The following PRDM1 variants were observed in gnomAD, a reference collection of about 807,000 sequenced individuals.
PRDM1 encodes the protein PR/SET domain 1, also known as PR domain zinc finger protein 1.
Under a neutral mutation model 62.8 loss-of-function variants are expected in PRDM1, and 13 were observed. The observed-to-expected ratio is 0.21, with a 90% CI of 0.13 to 0.33. The LOEUF (loss-of-function observed/expected upper bound fraction) is 0.33. Among genes scored for constraint, PRDM1 ranks in the 10% least tolerant of loss-of-function variants. The probability of loss-of-function intolerance (pLI) is 1.00; values close to 1 mark genes in which losing one functional copy is unlikely to be tolerated. For missense variants in PRDM1, 895 were observed against 1,058.8 expected, an observed-to-expected ratio of 0.85 and a Z score of 2.15; for synonymous variants, 396 against 417.6, an observed-to-expected ratio of 0.95 and a Z score of 0.63.
chr6:106,057,785 C>T (rs962795955), intron 1 of PRDM1, among the ~76,000 whole-genome samples: 6 of 152,166 alleles, frequency 3.9e-5, no homozygotes, highest in African/African-American at 1.4e-4. Flanking sequence ...ATATGAAACT[C>T]AGTTTTTATT....
At chr6:106,014,129 G>A (rs1582426137) in intron 1 of PRDM1, among the ~76,000 whole-genome samples, 1 of 134,316 alleles carries the variant, frequency 7.4e-6, no homozygotes, top group East Asian at 2.3e-4. Context: ...GTGCGATCAT[G>A]GCTCACTGCA....
chr6:106,029,114 T>C (rs1042867571), intron 1 of PRDM1, among the ~76,000 whole-genome samples: 6 of 151,794 alleles, frequency 4.0e-5, no homozygotes, highest in Admixed American at 6.6e-5. Flanking sequence ...AGAGACGGGG[T>C]TTCATCATGT....
intron 1 of PRDM1, among the ~76,000 whole-genome samples, chr6:106,068,425 A>C (rs567193231): frequency 6.6e-6 from 1 of 152,206 alleles, no homozygotes; most frequent in African/African-American, 2.4e-5. Flanking sequence ...AACTGTTCTC[A>C]GCTTCTTGTG....
chr6:106,061,011 G>T (rs1047711093), intron 1 of PRDM1, among the ~76,000 whole-genome samples: 1 of 152,170 alleles, frequency 6.6e-6, no homozygotes, highest in Non-Finnish European at 1.5e-5. Context: ...GATTGGGATT[G>T]GGGGAAATGA....
Position 106,099,594 on chromosome 6 carries a change from T to A in PRDM1, c.664+42T>A, listed in dbSNP as rs80016188. On this transcript the variant is annotated intron_variant, in intron 4 of 6. Coordinates refer to ENST00000369096, the MANE Select transcript of PRDM1 (RefSeq NM_001198.4). ...ACAAAAAAATAAAAAATGCCAGTAA[T>A]GTCGGTTCTGCCCCTTTGAACTAAT... The A allele has an allele frequency of 3.0e-4, 479 of 1,607,186 alleles. 3 individuals are homozygous for A. In the East Asian group the frequency reaches 0.011, roughly 35 times the overall value.
Position 106,105,482 on chromosome 6 carries a change from C to T in PRDM1, c.1322C>T (p.Pro441Leu), listed in dbSNP as rs1774445351. 1 of 1,614,112 alleles carries T rather than the reference C, an allele frequency of 6.2e-7. No individual in the cohort carries two copies. The highest frequency in any genetic ancestry group is 8.5e-7 in the Non-Finnish European group (1 of 1,180,024). The part of the protein sequence containing the change: ...MNGINNFGLF[P>L]RLCPVYSNLL... The stretch of plus-strand genomic sequence containing the variant: ...GGCATCAACAACTTTGGCCTCTTCC[C>T]GAGGCTGTGCCCTGTCTACAGCAAT... The change falls in exon 5 of 7, where the codon CCG (proline) becomes CTG (leucine). Residue 441 changes from proline (P) to leucine (L), a missense_variant. Pro to Leu is a moderately conservative substitution (Grantham distance 98). This residue lies in a region of PRDM1 where 444 missense variants were observed against 422.7 expected (regional missense o/e 1.05). Transcript: ENST00000369096.
intron 1 of PRDM1, among the ~76,000 whole-genome samples, chr6:106,056,845 G>A (rs916285829): frequency 6.9e-6 from 1 of 145,112 alleles, no homozygotes; most frequent in African/African-American, 2.6e-5. Flanking sequence ...AGGTTTTGAA[G>A]CTCTAGCACT....
chr6:106,073,161 C>A (rs1409498471), intron 1 of PRDM1, among the ~76,000 whole-genome samples: 2 of 148,452 alleles, frequency 1.3e-5, no homozygotes, highest in East Asian at 3.9e-4. Flanking sequence ...GTCGCCCAGG[C>A]TGGAGTGCAA....
chr6:106,057,811 C>A (rs541349908), intron 1 of PRDM1, among the ~76,000 whole-genome samples: 1 of 152,176 alleles, frequency 6.6e-6, no homozygotes, highest in Non-Finnish European at 1.5e-5. Context: ...ACCTCTCTTA[C>A]TCCCAGAAAA....
chr6:106,076,246 G>A (rs1292076830), intron 1 of PRDM1, among the ~76,000 whole-genome samples: 4 of 152,076 alleles, frequency 2.6e-5, no homozygotes, highest in East Asian at 3.8e-4. Flanking sequence ...CATTACAGGC[G>A]TGAACCACTG....
intron 1 of PRDM1, among the ~76,000 whole-genome samples, chr6:106,069,629 G>A (rs1773481432): frequency 6.6e-6 from 1 of 152,228 alleles, no homozygotes; most frequent in Non-Finnish European, 1.5e-5. Context: ...GAGAAAGAGG[G>A]ACGAGCTTCT....
At chr6:106,069,837 G>T (rs1773483330) in intron 1 of PRDM1, among the ~76,000 whole-genome samples, 1 of 152,320 alleles carries the variant, frequency 6.6e-6, no homozygotes, top group Admixed American at 6.5e-5. Context: ...GGGAAATGAG[G>T]AGTTGGTCTC....
At chr6:106,026,492 A>T (rs994093561) in intron 1 of PRDM1, among the ~76,000 whole-genome samples, 3 of 151,716 alleles carry the variant, frequency 2.0e-5, no homozygotes, top group Admixed American at 1.3e-4. Flanking sequence ...AAATAATAAT[A>T]AATAATAATA....
intron 1 of PRDM1, among the ~76,000 whole-genome samples, chr6:106,022,105 C>T (rs1235347535): frequency 6.6e-6 from 1 of 152,162 alleles, no homozygotes. Context: ...TTAAGAGGTA[C>T]AGGTGTTACA....
chr6:106,007,462 A>G (rs1772497241), intron 1 of PRDM1, among the ~76,000 whole-genome samples: 1 of 148,408 alleles, frequency 6.7e-6, no homozygotes, highest in South Asian at 2.2e-4. Flanking sequence ...AGACAAAGGC[A>G]ACTGTCATTT....
Position 106,099,665 on chromosome 6 carries a change from AG to A in PRDM1, c.664+115del, listed in dbSNP as rs539186135. On this transcript the variant is annotated intron_variant, in intron 4 of 6. Coordinates refer to ENST00000369096, the MANE Select transcript of PRDM1 (RefSeq NM_001198.4). ...GGCTTTGTCATGTGTTGGATGAAGT[AG>A]GTGGCTTAAGCTAGGGACTAGGAAG... 2.9e-5 allele frequency: 42 copies of A among 1,432,110 alleles called. No homozygotes were observed. The Admixed American group carries it at 8.3e-4, about 28-fold the overall frequency. The allele number at this position is 1,432,110 out of a possible 1,614,324, so 88.7% of individuals were successfully genotyped here. A position where few individuals can be genotyped will look rare whatever the true frequency, so the allele number is the denominator to read the frequency against.
In PRDM1 at chr6:106,109,091, C is replaced by CAA. The variant is rs36077280; in HGVS notation, c.*1626_*1627dup. 5,005 of 121,104 alleles carry CAA rather than the reference C, an allele frequency of 0.041. 282 individuals are homozygous for CAA. Among genetic ancestry groups the CAA allele is most frequent in the Admixed American group, 0.07 (683 of 9,764 alleles). The allele number at this position is 121,104 out of a possible 1,614,324, so 7.5% of individuals were successfully genotyped here. A position where few individuals can be genotyped will look rare whatever the true frequency, so the allele number is the denominator to read the frequency against. ...GTAAAAGATCTACTTTTTCTAAGGG[C>CAA]AAAAAAAAAAAAAAAAAAAAAAGAA... On this transcript the variant is annotated 3_prime_UTR_variant, in exon 7 of 7. Coordinates refer to ENST00000369096, the MANE Select transcript of PRDM1 (RefSeq NM_001198.4).
chr6:106,035,558 C>T (rs955088659), intron 1 of PRDM1, among the ~76,000 whole-genome samples: 36 of 152,120 alleles, frequency 2.4e-4, no homozygotes, highest in African/African-American at 8.0e-4. Flanking sequence ...GAGCCTGGGA[C>T]GTCGAGGCTG....
chr6:106,009,045 A>G (rs1363397718), intron 1 of PRDM1, among the ~76,000 whole-genome samples: 1 of 152,122 alleles, frequency 6.6e-6, no homozygotes, highest in African/African-American at 2.4e-5. Context: ...CAGTGGTTAT[A>G]TTCTGCCACG....
Sources: allele counts gnomAD v4.1 joint callset (sites outside exome capture counted in the v4.1 genomes callset), GRCh38; gene constraint gnomAD v4.1.1; regional missense constraint gnomAD v4.1.1; transcripts MANE v1.5; gene names NCBI Gene and HGNC (gene_info 2026-07-23, HGNC 2026-07-21).